The following CSNK2A1 variants were observed in gnomAD, a reference collection of about 807,000 sequenced individuals.
CSNK2A1 encodes casein kinase II subunit alpha.
A neutral mutation model predicts 62.9 loss-of-function variants in CSNK2A1; 10 were observed. The ratio of observed to expected loss-of-function variants is 0.16; its 90% CI spans 0.10 to 0.27. CSNK2A1 has a LOEUF of 0.27. Ranked by LOEUF, CSNK2A1 falls within the 10% of genes least tolerant of loss-of-function variation. CSNK2A1 has a pLI of 1.00. For missense variants in CSNK2A1, 160 were observed against 492.0 expected, an observed-to-expected ratio of 0.33 and a Z score of 6.38; for synonymous variants, 124 against 167.8, an observed-to-expected ratio of 0.74 and a Z score of 2.02.
chr20:509,856 T>C (rs2018679215), intron 2 of CSNK2A1, among the ~76,000 whole-genome samples: 1 of 152,058 alleles, frequency 6.6e-6, no homozygotes, highest in African/African-American at 2.4e-5. Context: ...AGATCACAGA[T>C]GTGAGCCACC....
At position 478,888 on chromosome 20, in the gene CSNK2A1, C is replaced by T. The variant is rs1028338501; in HGVS notation, c.*5073G>A. ...GCTGCAGTGAGCTGTGATGGCGCTA[C>T]TGCACTCTAGCCTGGGTAACAGAGC... is the stretch of plus-strand genomic sequence containing the variant. On this transcript the variant is annotated 3_prime_UTR_variant, in exon 14 of 14. Coordinates refer to ENST00000217244, the MANE Select transcript of CSNK2A1 (RefSeq NM_177559.3). The T allele has an allele frequency of 4.5e-6, 1 of 223,954 alleles. No homozygotes were observed. Among genetic ancestry groups the T allele is most frequent in the Non-Finnish European group, 9.2e-6 (1 of 108,364 alleles). The allele number at this position is 223,954 out of a possible 1,614,324, so 13.9% of individuals were successfully genotyped here.
At chr20:507,728 T>C (rs528609323) in intron 3 of CSNK2A1, 1 of 152,352 alleles carries the variant, frequency 6.6e-6, no homozygotes, top group South Asian at 2.1e-4. Context: ...CGAAACAACA[T>C]TCTCTACCTC....
intron 9 of CSNK2A1, 113 bp from the exon 10 acceptor site, chr20:489,994 A>G: frequency 5.0e-6 from 4 of 793,836 alleles, no homozygotes; most frequent in Non-Finnish European, 7.4e-6. Flanking sequence ...CTCAAAATCA[A>G]AACACTAATA....
At chr20:529,307 T>C (rs2019163191) in intron 1 of CSNK2A1, among the ~76,000 whole-genome samples, 1 of 152,058 alleles carries the variant, frequency 6.6e-6, no homozygotes, top group Non-Finnish European at 1.5e-5. Flanking sequence ...ATTACAGGCA[T>C]GAGCCATTGC....
intron 2 of CSNK2A1, among the ~76,000 whole-genome samples, chr20:525,949 G>A (rs2122626315): frequency 6.6e-6 from 1 of 151,718 alleles, no homozygotes; most frequent in South Asian, 2.1e-4. Context: ...AGGCTGCAGT[G>A]AGCTGTGATT....
In CSNK2A1 at chr20:523,329, G is replaced by T. The variant is rs372833420; in HGVS notation, c.-110+4604C>A. Among the ~76,000 whole-genome samples, 10 of 152,128 alleles carry T rather than the reference G, an allele frequency of 6.6e-5. No individual in the cohort carries two copies. In the East Asian group the frequency reaches 1.9e-3, roughly 29 times the overall value. On this transcript the variant is annotated intron_variant, in intron 2 of 13. Coordinates refer to ENST00000217244, the MANE Select transcript of CSNK2A1 (RefSeq NM_177559.3). Reference sequence around the variant, plus strand: ...TTACCCTAGAAAAATGAAAACTTAGGTCCACAAAAGCCTATAATGTTATGT... The same window carrying T: ...TTACCCTAGAAAAATGAAAACTTAGTTCCACAAAAGCCTATAATGTTATGT...
At chr20:526,400 C>CAGG in intron 2 of CSNK2A1, among the ~76,000 whole-genome samples, 1 of 152,060 alleles carries the variant, frequency 6.6e-6, no homozygotes, top group Non-Finnish European at 1.5e-5. Context: ...TGCTTGAGCC[C>CAGG]AGGAGTTTGA....
chr20:503,545 C>T (rs2018512790), intron 4 of CSNK2A1: 1 of 398,512 alleles, frequency 2.5e-6, no homozygotes, highest in Admixed American at 4.4e-5. Flanking sequence ...TTGAATCTGC[C>T]AGACACTGGG....
rs1467445008 is a variant in CSNK2A1, at chr20:483,945, G to A, written c.*16C>T. 1 of 1,607,750 alleles carries A rather than the reference G, an allele frequency of 6.2e-7. No homozygotes were observed. Among genetic ancestry groups the A allele is most frequent in the Admixed American group, 1.7e-5 (1 of 59,208 alleles). On this transcript the variant is annotated 3_prime_UTR_variant, in exon 14 of 14. Transcript: ENST00000217244. ...TCCCCCACCTCTGCTCAGGCATCAG[G>A]AGACAGATAGGGCCGTTACTGCTGA...
intron 2 of CSNK2A1, among the ~76,000 whole-genome samples, chr20:523,939 A>G (rs1405428215): frequency 6.6e-6 from 1 of 151,338 alleles, no homozygotes; most frequent in East Asian, 1.9e-4. Context: ...GAGGCTAGGT[A>G]TGTTACCAAG....
In CSNK2A1 at chr20:516,106, T is replaced by C. The variant is rs996404226; in HGVS notation, c.-109-7446A>G. Among the ~76,000 whole-genome samples the C allele has an allele frequency of 2.6e-5, 4 of 152,228 alleles. 1 individual carries two copies. The highest frequency in any genetic ancestry group is 6.5e-5 in the Admixed American group (1 of 15,274). ...GCCTGAGTCCTAGATATTTGGAAGA[T>C]CAATTCTCCTCTCCACTGTTCATAA... On this transcript the variant is annotated intron_variant, in intron 2 of 13. Coordinates refer to ENST00000217244, the MANE Select transcript of CSNK2A1 (RefSeq NM_177559.3).
Position 543,519 on chromosome 20 carries a change from G to A in CSNK2A1, c.-227+153C>T, listed in dbSNP as rs867330313. 16 of 394,054 alleles carry A rather than the reference G, an allele frequency of 4.1e-5. No homozygotes were observed. The South Asian group carries it at 1.7e-3, about 42-fold the overall frequency. 24.4% of individuals were successfully genotyped at this position (394,054 alleles called of 1,614,324 possible). On this transcript the variant is annotated intron_variant, in intron 1 of 13. Transcript: ENST00000217244. ...CTGGGCCTCCCCGATGGGCTGCAGG[G>A]GCCTCGCTTGGTTTATGTGTGAAGG...
intron 2 of CSNK2A1, among the ~76,000 whole-genome samples, chr20:524,601 G>A (rs1172165049): frequency 6.9e-6 from 1 of 145,352 alleles, no homozygotes; most frequent in Non-Finnish European, 1.5e-5. Context: ...GTGGTGGCGG[G>A]TGCCTATAAT....
In CSNK2A1 at chr20:495,864, TC is replaced by T. The variant is rs1969602332; in HGVS notation, c.427-63del. 4.2e-6 allele frequency: 6 copies of T among 1,437,000 alleles called. No homozygotes were observed. In the South Asian group the frequency reaches 5.7e-5, roughly 14 times the overall value. The allele number at this position is 1,437,000 out of a possible 1,614,324, so 89.0% of individuals were successfully genotyped here. A position where few individuals can be genotyped will look rare whatever the true frequency, so the allele number is the denominator to read the frequency against. The stretch of plus-strand genomic sequence containing the variant: ...ATAATACGTAAGAGTCCTTTACTTT[TC>T]CCTCCATGTAAATTTTCCTTTTAGC... On this transcript the variant is annotated intron_variant, in intron 7 of 13. Coordinates refer to ENST00000217244, the MANE Select transcript of CSNK2A1 (RefSeq NM_177559.3).
At position 480,374 on chromosome 20, in the gene CSNK2A1, G is replaced by A. The variant is rs1221928596; in HGVS notation, c.*3587C>T. The A allele has an allele frequency of 1.3e-5, 2 of 151,274 alleles. No homozygotes were observed. The highest frequency in any genetic ancestry group is 6.6e-5 in the Admixed American group (1 of 15,148). The allele number at this position is 151,274 out of a possible 1,614,324, so 9.4% of individuals were successfully genotyped here. A position where few individuals can be genotyped will look rare whatever the true frequency, so the allele number is the denominator to read the frequency against. ...AAGTAGGGTGTTAAATATTTTCCTCGTGCCATTCCATTCAATACTCTTCGA... is the reference window on the plus strand; with the variant it reads ...AAGTAGGGTGTTAAATATTTTCCTCATGCCATTCCATTCAATACTCTTCGA... On this transcript the variant is annotated 3_prime_UTR_variant, in exon 14 of 14. Transcript: ENST00000217244.
chr20:502,099 T>C (rs2018483894), intron 4 of CSNK2A1: 1 of 152,224 alleles, frequency 6.6e-6, no homozygotes, highest in Admixed American at 6.5e-5. Flanking sequence ...AAAGGGACTA[T>C]ACTCGCCTGT....
At chr20:525,599 C>T (rs575598917) in intron 2 of CSNK2A1, among the ~76,000 whole-genome samples, 94 of 144,800 alleles carry the variant, frequency 6.5e-4, no homozygotes, top group African/African-American at 9.5e-4. Context: ...TGCAGTGAGC[C>T]GAGATCGTGC....
chr20:499,478 AT>A lies in CSNK2A1; in HGVS notation c.316-174del. On this transcript the variant is annotated intron_variant, in intron 5 of 13. Transcript: ENST00000217244. This position sits in a 1 kb window ranked among gnomAD's most constrained non-coding sequence, Gnocchi z 4.2. ...CTCTGATCATCACCGCACTTAGGTC[AT>A]TTTTGGGATGGATTTCAAACAGAAG... is the stretch of plus-strand genomic sequence containing the variant. 3.5e-6 allele frequency: 2 copies of A among 566,280 alleles called. No individual in the cohort carries two copies. The highest frequency in any genetic ancestry group is 3.0e-5 in the East Asian group (1 of 33,494). 35.1% of individuals were successfully genotyped at this position (566,280 alleles called of 1,614,324 possible). A position where few individuals can be genotyped will look rare whatever the true frequency, so the allele number is the denominator to read the frequency against.
rs2122474234 is a variant in CSNK2A1, at chr20:477,964, C to T, written c.*5997G>A. On this transcript the variant is annotated 3_prime_UTR_variant, in exon 14 of 14. Transcript: ENST00000217244. The stretch of plus-strand genomic sequence containing the variant: ...GGATGAATTCTGCCTTCCTTTTTGC[C>T]ACCTTGGGATTTCCATTTCTTTCTC... 1 of 152,224 alleles carries T rather than the reference C, an allele frequency of 6.6e-6. No homozygotes were observed. The highest frequency in any genetic ancestry group is 1.5e-5 in the Non-Finnish European group (1 of 68,010). The allele number at this position is 152,224 out of a possible 1,614,324, so 9.4% of individuals were successfully genotyped here. A position where few individuals can be genotyped will look rare whatever the true frequency, so the allele number is the denominator to read the frequency against.
Sources: gnomAD v4.1 joint callset for allele counts (sites outside exome capture counted in the v4.1 genomes callset) on GRCh38, gnomAD v4.1.1 for gene constraint, Gnocchi (gnomAD v3.1) non-coding constraint, MANE v1.5 for transcripts, NCBI Gene and HGNC (gene_info 2026-07-23, HGNC 2026-07-21) for gene names.